CDH13: variants seen among roughly 807,000 people sequenced by gnomAD.
CDH13 encodes the protein cadherin-13.
In CDH13, 24 loss-of-function variants were observed where a neutral mutation model predicts 63.8. The ratio of observed to expected loss-of-function variants is 0.38; its 90% confidence interval spans 0.27 to 0.53. CDH13 has a LOEUF of 0.53. Ranked by LOEUF, CDH13 falls within the 20% of genes least tolerant of loss-of-function variation. The pLI, the probability that CDH13 is intolerant of heterozygous loss-of-function variation, is 0.85. For missense variants in CDH13, 1,049 were observed against 903.1 expected, an observed-to-expected ratio of 1.16 and a Z score of -2.07; for synonymous variants, 503 against 355.3, an observed-to-expected ratio of 1.42 and a Z score of -4.67.
intron 7 of CDH13, among the ~76,000 whole-genome samples, chr16:83,492,688 C>A (rs2074042486): frequency 6.6e-6 from 1 of 152,160 alleles, no homozygotes; most frequent in Non-Finnish European, 1.5e-5. Context: ...ATGCTAAGTC[C>A]TGGGGTCTGA....
At chr16:83,330,262 C>A (rs936633605) in intron 5 of CDH13, among the ~76,000 whole-genome samples, 4 of 152,144 alleles carry the variant, frequency 2.6e-5, no homozygotes, top group Non-Finnish European at 4.4e-5. Flanking sequence ...AATCTGGATA[C>A]CAGAATTGTA....
chr16:82,938,255 C>A (rs1284238684), intron 2 of CDH13, among the ~76,000 whole-genome samples: 1 of 152,164 alleles, frequency 6.6e-6, no homozygotes. Flanking sequence ...GTATATCTTA[C>A]CTCAGTAAAG....
intron 4 of CDH13, chr16:83,180,768 CA>C (rs1400420146): frequency 2.5e-6 from 2 of 805,452 alleles, no homozygotes. Flanking sequence ...TTCTTTAAGA[CA>C]AACAAACAAA....
chr16:82,844,284 C>G (rs1053766770), intron 1 of CDH13, among the ~76,000 whole-genome samples: 4 of 152,126 alleles, frequency 2.6e-5, no homozygotes, highest in African/African-American at 7.2e-5. Context: ...GATGACCTAG[C>G]TGGAGAAAAC....
chr16:83,692,226 AC>A (rs1268602945), intron 10 of CDH13, among the ~76,000 whole-genome samples: 3 of 152,212 alleles, frequency 2.0e-5, no homozygotes, highest in African/African-American at 7.2e-5. Context: ...TGGATTTATG[AC>A]AGCTTTCATT....
chr16:83,129,860 T>C (rs2035975084), intron 4 of CDH13, among the ~76,000 whole-genome samples: 2 of 152,168 alleles, frequency 1.3e-5, no homozygotes, highest in African/African-American at 4.8e-5. Flanking sequence ...AAAACTAATA[T>C]ATCTATATTA....
intron 2 of CDH13, among the ~76,000 whole-genome samples, chr16:82,869,043 G>A (rs1038226907): frequency 3.3e-5 from 5 of 152,160 alleles, no homozygotes; most frequent in Admixed American, 6.5e-5. Context: ...GCTACATTGT[G>A]TAATTATTAT....
chr16:82,693,189 C>T (rs183690149), intron 1 of CDH13, among the ~76,000 whole-genome samples: 1 of 152,144 alleles, frequency 6.6e-6, no homozygotes, highest in African/African-American at 2.4e-5. Context: ...CTGGATGATC[C>T]TTTGAAGCCT....
chr16:83,422,474 T>C (rs1482634227), intron 6 of CDH13, among the ~76,000 whole-genome samples: 2 of 152,224 alleles, frequency 1.3e-5, no homozygotes, highest in Non-Finnish European at 2.9e-5. Flanking sequence ...TCTGGTTTCT[T>C]ATAGTATTAA....
chr16:83,372,729 T>A (rs1246141073), intron 6 of CDH13, among the ~76,000 whole-genome samples: 1 of 126,724 alleles, frequency 7.9e-6, no homozygotes, highest in African/African-American at 3.1e-5. Flanking sequence ...TCCAGCCTGG[T>A]GACAGAGCGA....
At chr16:83,726,429 C>T (rs1215967876) in intron 10 of CDH13, 1 of 152,132 alleles carries the variant, frequency 6.6e-6, no homozygotes, top group Non-Finnish European at 1.5e-5. Flanking sequence ...GTTATCTTGG[C>T]CCCTTCTGCT....
intron 5 of CDH13, among the ~76,000 whole-genome samples, chr16:83,229,701 G>A (rs551666981): frequency 6.6e-6 from 1 of 152,116 alleles, no homozygotes; most frequent in African/African-American, 2.4e-5. Context: ...AGGTGCAGAT[G>A]TTTGCATAAT....
intron 1 of CDH13, among the ~76,000 whole-genome samples, chr16:82,718,791 G>A (rs2032565225): frequency 2.6e-5 from 4 of 152,098 alleles, no homozygotes. Flanking sequence ...CCCCATGAAT[G>A]AATTATCTCC....
intron 6 of CDH13, among the ~76,000 whole-genome samples, chr16:83,418,809 C>G (rs79098448): frequency 0.061 from 9,309 of 152,242 alleles, 316 homozygotes; most frequent in African/African-American, 0.066. Context: ...TAGAGTTCAA[C>G]TTGGAGTACT....
chr16:83,291,637 G>A (rs369164254), intron 5 of CDH13, among the ~76,000 whole-genome samples: 13 of 152,110 alleles, frequency 8.5e-5, no homozygotes, highest in East Asian at 1.9e-4. Context: ...CTTGGTGGCC[G>A]TCATAACTGT....
chr16:83,336,312 A>AAAAAAG (rs55820617), intron 5 of CDH13, among the ~76,000 whole-genome samples: 33,456 of 143,612 alleles, frequency 0.23, 4,298 homozygotes, highest in Admixed American at 0.3. Context: ...AAAAAAAAAA[A>AAAAAAG]AAAAAAGAAA....
chr16:83,478,728 TC>T (rs1392436344), intron 6 of CDH13, among the ~76,000 whole-genome samples: 1 of 150,220 alleles, frequency 6.7e-6, no homozygotes, highest in Admixed American at 6.7e-5. Context: ...TGCAGTTCCA[TC>T]CTCCTACCCT....
intron 6 of CDH13, among the ~76,000 whole-genome samples, chr16:83,469,704 C>T (rs973674563): frequency 6.6e-6 from 1 of 152,164 alleles, no homozygotes; most frequent in African/African-American, 2.4e-5. Context: ...ACAGCACTAG[C>T]ACAGGGCCTG....
intron 5 of CDH13, among the ~76,000 whole-genome samples, chr16:83,323,224 T>TTCTA: frequency 6.7e-6 from 1 of 149,184 alleles, no homozygotes; most frequent in Non-Finnish European, 1.5e-5. Context: ...CTTTCTTTCT[T>TTCTA]TCTTTCTTTC....
Sources: allele counts gnomAD v4.1 joint callset (sites outside exome capture counted in the v4.1 genomes callset), GRCh38; gene constraint gnomAD v4.1.1; transcripts MANE v1.5; gene names NCBI Gene and HGNC (gene_info 2026-07-23, HGNC 2026-07-21).